Variants in TLK1 observed in about 807,000 individuals in gnomAD.
TLK1 encodes the protein tousled like kinase 1.
In TLK1, 24 loss-of-function variants were observed where a neutral mutation model predicts 105.3. That is an observed-to-expected ratio of 0.23 (90% CI 0.17 to 0.32). The LOEUF (loss-of-function observed/expected upper bound fraction) is 0.32. TLK1 is among the 10% of genes least tolerant of loss of function. The pLI, the probability that TLK1 is intolerant of heterozygous loss-of-function variation, is 1.00. For missense variants in TLK1, 558 were observed against 910.5 expected, an observed-to-expected ratio of 0.61 and a Z score of 4.98; for synonymous variants, 321 against 310.4, an observed-to-expected ratio of 1.03 and a Z score of -0.36.
At chr2:171,181,533 G>A (rs7594177) in intron 1 of TLK1, among the ~76,000 whole-genome samples, 37,769 of 152,130 alleles carry the variant, frequency 0.25, 4,989 homozygotes, top group Middle Eastern at 0.31. Flanking sequence ...GTCCATACAA[G>A]AAGCATGGTG....
At chr2:171,209,074 ACT>A in intron 1 of TLK1, among the ~76,000 whole-genome samples, 1 of 152,362 alleles carries the variant, frequency 6.6e-6, no homozygotes, top group South Asian at 2.1e-4. Context: ...CTCTTTATGT[ACT>A]GATAATGGAG....
intron 1 of TLK1, among the ~76,000 whole-genome samples, chr2:171,123,539 G>C (rs1690744465): frequency 1.3e-5 from 2 of 152,188 alleles, no homozygotes; most frequent in South Asian, 4.1e-4. Context: ...TAAACGCAGT[G>C]GCTCACGTCT....
At position 171,096,915 on chromosome 2, in the gene TLK1, A is replaced by T. The variant is rs866556927; in HGVS notation, c.259-14063T>A. ...TTAACTGTCCATGCCACCCAAAGTG[A>T]TCTACAGATTCAGTGTAATCCTAAT... On this transcript the variant is annotated intron_variant, in intron 2 of 20. Transcript: ENST00000431350. Among the ~76,000 whole-genome samples, 6 of 152,316 alleles carry T rather than the reference A, an allele frequency of 3.9e-5. No individual in the cohort carries two copies. In the South Asian group the frequency reaches 1.2e-3, roughly 32 times the overall value.
intron 1 of TLK1, among the ~76,000 whole-genome samples, chr2:171,174,984 T>G (rs1339407732): frequency 6.6e-6 from 1 of 152,184 alleles, no homozygotes; most frequent in Non-Finnish European, 1.5e-5. Flanking sequence ...AGCTCATGCC[T>G]ATAATCCCAA....
At chr2:171,163,272 T>C (rs1343895372), upstream of TLK1, among the ~76,000 whole-genome samples, 3 of 152,256 alleles carry the variant, frequency 2.0e-5, no homozygotes, top group Non-Finnish European at 4.4e-5. Flanking sequence ...TTACGAATAA[T>C]GCTGCTAAGA....
chr2:171,006,445 A>T (rs1483467622), intron 17 of TLK1, 29 bp downstream of exon 17: 29 of 1,313,934 alleles, frequency 2.2e-5, no homozygotes, highest in Non-Finnish European at 2.9e-5. Context: ...ACTCAAGTTT[A>T]AAAAAAATTA....
At chr2:171,135,297 G>T (rs1691261893) in intron 1 of TLK1, among the ~76,000 whole-genome samples, 1 of 106,912 alleles carries the variant, frequency 9.4e-6, no homozygotes, top group Admixed American at 9.1e-5. Context: ...CACATTATGT[G>T]TGTGTTTGTG....
chr2:171,131,764 T>C (rs1691114833), intron 1 of TLK1, among the ~76,000 whole-genome samples: 1 of 151,890 alleles, frequency 6.6e-6, no homozygotes, highest in Non-Finnish European at 1.5e-5. Context: ...ATCCCACTCA[T>C]AGTCCTACCA....
chr2:171,203,995 A>G (rs1282193254), intron 1 of TLK1, among the ~76,000 whole-genome samples: 1 of 152,156 alleles, frequency 6.6e-6, no homozygotes, highest in African/African-American at 2.4e-5. Flanking sequence ...CAGAGCTTGC[A>G]GTGAGCTGAA....
At chr2:171,006,068 TAA>T (rs370131370) in intron 18 of TLK1, 77 bp downstream of exon 18, 22 of 1,090,156 alleles carry the variant, frequency 2.0e-5, no homozygotes, top group South Asian at 2.6e-5. Flanking sequence ...TACATGGAAA[TAA>T]AAAAAAAAAC....
intron 14 of TLK1, among the ~76,000 whole-genome samples, chr2:171,009,071 A>G (rs1299734133): frequency 1.3e-5 from 2 of 152,156 alleles, no homozygotes; most frequent in African/African-American, 2.4e-5. Flanking sequence ...AGAATCAGAG[A>G]AACAGGAATT....
intron 1 of TLK1, among the ~76,000 whole-genome samples, chr2:171,199,025 A>G (rs1278258048): frequency 1.3e-5 from 2 of 152,242 alleles, no homozygotes; most frequent in Non-Finnish European, 2.9e-5. Context: ...TGAAAGAACC[A>G]TGTACCCAAA....
intron 12 of TLK1, among the ~76,000 whole-genome samples, chr2:171,019,118 A>T (rs1038657577): frequency 7.5e-5 from 10 of 133,914 alleles, no homozygotes; most frequent in African/African-American, 1.7e-4. Flanking sequence ...AGTTAAAATT[A>T]AAAAAAAAAA....
At chr2:171,063,563 G>GA (rs1428597607) in intron 3 of TLK1, among the ~76,000 whole-genome samples, 1 of 152,054 alleles carries the variant, frequency 6.6e-6, no homozygotes, top group South Asian at 2.1e-4. Context: ...AAATAGGGGG[G>GA]AAAAACCCAT....
At chr2:171,125,786 T>C (rs1273685869) in intron 1 of TLK1, among the ~76,000 whole-genome samples, 1 of 152,214 alleles carries the variant, frequency 6.6e-6, no homozygotes, top group African/African-American at 2.4e-5. Context: ...ATAAGTTCTT[T>C]AGCGGTGATT....
chr2:171,045,868 G>A (rs1199014469), intron 11 of TLK1: 4 of 241,876 alleles, frequency 1.7e-5, no homozygotes, highest in Non-Finnish European at 3.1e-5. Context: ...GAATGGAAAC[G>A]TTGAATTAGA....
intron 3 of TLK1, among the ~76,000 whole-genome samples, chr2:171,077,546 C>T (rs1185791255): frequency 6.6e-6 from 1 of 152,188 alleles, no homozygotes; most frequent in Non-Finnish European, 1.5e-5. Context: ...GCATTTTGTT[C>T]CCATTAATCT....
chr2:171,106,341 G>C (rs1266308095), intron 2 of TLK1, among the ~76,000 whole-genome samples: 2 of 152,106 alleles, frequency 1.3e-5, no homozygotes, highest in African/African-American at 4.8e-5. Flanking sequence ...AGCAGATTTC[G>C]AATGTTCCTA....
chr2:171,023,756 G>C (rs1289077829), intron 12 of TLK1, among the ~76,000 whole-genome samples: 4 of 152,124 alleles, frequency 2.6e-5, no homozygotes, highest in Non-Finnish European at 2.9e-5. Flanking sequence ...TGATTTTGCA[G>C]GGATTGTATT....
Sources: gnomAD v4.1 joint callset for allele counts (sites outside exome capture counted in the v4.1 genomes callset) on GRCh38, gnomAD v4.1.1 for gene constraint, MANE v1.5 for transcripts, NCBI Gene and HGNC (gene_info 2026-07-23, HGNC 2026-07-21) for gene names.